ABCA8: variants seen among roughly 807,000 people sequenced by gnomAD.
ABCA8 encodes the protein ATP binding cassette subfamily A member 8.
A neutral mutation model predicts 192.3 loss-of-function variants in ABCA8; 177 were observed. The observed-to-expected ratio is 0.92, with a 90% CI of 0.81 to 1.04. ABCA8 has a LOEUF of 1.04. Ranked by LOEUF, ABCA8 falls within the 50% of genes least tolerant of loss-of-function variation. The pLI is 0.00. For missense variants in ABCA8, 1,915 were observed against 1,904.8 expected, an observed-to-expected ratio of 1.01 and a Z score of -0.10; for synonymous variants, 642 against 690.2, an observed-to-expected ratio of 0.93 and a Z score of 1.09.
At chr17:68,897,289 C>T (rs1359728859) in intron 21 of ABCA8, among the ~76,000 whole-genome samples, 1 of 152,032 alleles carries the variant, frequency 6.6e-6, no homozygotes, top group Non-Finnish European at 1.5e-5. Flanking sequence ...TGCACATGGC[C>T]AAAGTTATGC....
In ABCA8 at chr17:68,933,191, C is replaced by T; in HGVS notation, c.547G>A (p.Ala183Thr). ...ACTTCTATAATAGCAGCATTAATGGCAGCTTGAAGAGCCACAAAACCTTCC... is the reference window on the plus strand; with the variant it reads ...ACTTCTATAATAGCAGCATTAATGGTAGCTTGAAGAGCCACAAAACCTTCC... ...WKEGFVALQAAINAAIIEITT... is the reference protein window; with the variant it reads ...WKEGFVALQATINAAIIEITT... Residue 183 changes from alanine to threonine, a missense_variant, in exon 6 of 40, where the codon GCC becomes ACC. Transcript: ENST00000586539. The T allele has an allele frequency of 6.2e-7, 1 of 1,612,098 alleles. No individual in the cohort carries two copies. The highest frequency in any genetic ancestry group is 8.5e-7 in the Non-Finnish European group (1 of 1,178,730).
At chr17:68,952,997 G>A (rs2068612297) in intron 1 of ABCA8, among the ~76,000 whole-genome samples, 1 of 152,138 alleles carries the variant, frequency 6.6e-6, no homozygotes, top group African/African-American at 2.4e-5. Context: ...ATAATTCAGT[G>A]CATAATAAGA....
chr17:68,895,814 A>C (rs761650369), intron 21 of ABCA8, among the ~76,000 whole-genome samples: 17 of 152,158 alleles, frequency 1.1e-4, no homozygotes, highest in Non-Finnish European at 2.4e-4. Flanking sequence ...AGAGATCTGG[A>C]GTTCTCTTCC....
chr17:68,876,071 A>G (rs1401742087), intron 35 of ABCA8, among the ~76,000 whole-genome samples: 1 of 152,198 alleles, frequency 6.6e-6, no homozygotes, highest in East Asian at 1.9e-4. Flanking sequence ...CTCACAACCT[A>G]GTGAGAAGAA....
Position 68,875,934 on chromosome 17 carries a change from G to C in ABCA8, c.4371-201C>G, listed in dbSNP as rs8081061. ...TAAACTGGAATCATGCATTGGAAGAGGGGCGTTTACAGAACACAACATTCA... is the reference window on the plus strand; with the variant it reads ...TAAACTGGAATCATGCATTGGAAGACGGGCGTTTACAGAACACAACATTCA... On this transcript the variant is annotated intron_variant, in intron 35 of 39. Coordinates refer to ENST00000586539, the MANE Select transcript of ABCA8 (RefSeq NM_001288985.2). 7.3e-3 allele frequency among the ~76,000 whole-genome samples: 1,119 copies of C among 152,292 alleles called. 18 individuals are homozygous for C. Among genetic ancestry groups the C allele is most frequent in the African/African-American group, 0.025 (1,053 of 41,556 alleles).
At chr17:68,886,993 T>A in intron 26 of ABCA8, 24 bp downstream of exon 26, 1 of 1,495,550 alleles carries the variant, frequency 6.7e-7, no homozygotes, top group Non-Finnish European at 9.3e-7. Flanking sequence ...ATATACAGTA[T>A]ACATCCACAA....
intron 19 of ABCA8, among the ~76,000 whole-genome samples, chr17:68,904,814 A>G (rs28441249): frequency 2.6e-5 from 4 of 152,184 alleles, no homozygotes; most frequent in African/African-American, 9.7e-5. Context: ...ATCAGGGTTC[A>G]TGGGTCTTTC....
chr17:68,882,510 C>T, intron 30 of ABCA8, 89 bp downstream of exon 30: 1 of 1,216,608 alleles, frequency 8.2e-7, no homozygotes, highest in Non-Finnish European at 1.1e-6. Flanking sequence ...AATAGTGATC[C>T]TCATTTGTAA....
Position 68,937,039 on chromosome 17 carries a change from T to G in ABCA8, c.378A>C (p.Arg126Ser), listed in dbSNP as rs749299969. The change falls in exon 5 of 40, where the codon AGA becomes AGC. Residue 126 changes from arginine (R) to serine (S), a missense_variant. Transcript: ENST00000586539. ...ATGAGTATGTATTAGTAAAGGTGAC[T>G]CTTACTATTTCTTCAGGATAATTTG... ...FTANYPEEIV[R>S]VTFTNTYSYH... 1 of 1,609,570 alleles carries G rather than the reference T, an allele frequency of 6.2e-7. No individual in the cohort carries two copies. The highest frequency in any genetic ancestry group is 1.1e-5 in the South Asian group (1 of 90,584).
At chr17:68,877,415 T>C in intron 33 of ABCA8, 104 bp downstream of exon 33, 2 of 1,086,414 alleles carry the variant, frequency 1.8e-6, no homozygotes, top group Non-Finnish European at 2.6e-6. Context: ...GTGACCTGGG[T>C]CAGCATTTAG....
At chr17:68,895,107 C>T in intron 21 of ABCA8, 94 bp from the exon 22 acceptor site, 2 of 1,059,430 alleles carry the variant, frequency 1.9e-6, no homozygotes, top group East Asian at 2.6e-5. Context: ...TTATGTGAAG[C>T]AGTAATATGG....
rs1355278446 is a variant in ABCA8, at chr17:68,883,848, A to G, written c.3650T>C (p.Leu1217Pro). 1 of 1,598,266 alleles carries G rather than the reference A, an allele frequency of 6.3e-7. No homozygotes were observed. Among genetic ancestry groups the G allele is most frequent in the Non-Finnish European group, 8.5e-7 (1 of 1,173,340 alleles). Residue 1217 changes from leucine (L) to proline (P), a missense_variant, in exon 29 of 40, where the codon CTT (leucine) becomes CCT (proline). By Grantham distance (98) the Leu-to-Pro change is moderately conservative. Coordinates refer to ENST00000586539, the MANE Select transcript of ABCA8 (RefSeq NM_001288985.2). ...FLHFIIFLFT[L>P]RCLEWKFGKK... The stretch of plus-strand genomic sequence containing the variant: ...TCCAAACTTCCATTCCAGACATCGA[A>G]GAGTAAAAAGAAAAATGATAAAATG...
chr17:68,911,844 A>G lies in ABCA8; in HGVS notation c.2139-3965T>C, dbSNP rs545356010. Among the ~76,000 whole-genome samples, 35 of 152,282 alleles carry G rather than the reference A, an allele frequency of 2.3e-4. No homozygotes were observed. Among genetic ancestry groups the G allele is most frequent in the African/African-American group, 7.2e-4 (30 of 41,568 alleles). ...ATCCAAAGTATTCTCCAAGAGCACC[A>G]AAGTGGTACGTCGAAGAGTCTGCAA... On this transcript the variant is annotated intron_variant, in intron 17 of 39. Coordinates refer to ENST00000586539, the MANE Select transcript of ABCA8 (RefSeq NM_001288985.2). The surrounding 1 kb of genome is among the most constrained non-coding windows in gnomAD (Gnocchi z 5.7).
chr17:68,868,810 T>C (rs2065978016), intron 38 of ABCA8, among the ~76,000 whole-genome samples: 1 of 152,134 alleles, frequency 6.6e-6, no homozygotes. Context: ...GGAACTGTTC[T>C]TTTGACCAAA....
chr17:68,919,268 G>T lies in ABCA8; in HGVS notation c.1788+33C>A. On this transcript the variant is annotated intron_variant, in intron 14 of 39. Transcript: ENST00000586539. ...CAAATGGTTTTAATAATCTCATTTTGACCAACACATTAACTTTAACATATT... is the reference window on the plus strand; with the variant it reads ...CAAATGGTTTTAATAATCTCATTTTTACCAACACATTAACTTTAACATATT... 4 of 1,549,660 alleles carry T rather than the reference G, an allele frequency of 2.6e-6. No individual in the cohort carries two copies. In the South Asian group the frequency reaches 3.6e-5, roughly 14 times the overall value.
At chr17:68,953,827 G>T (rs570683993) in intron 1 of ABCA8, among the ~76,000 whole-genome samples, 16 of 152,242 alleles carry the variant, frequency 1.1e-4, no homozygotes, top group Admixed American at 5.2e-4. Context: ...CCTACCGGGG[G>T]TAGAGGGTAG....
chr17:68,911,879 T>C lies in ABCA8; in HGVS notation c.2139-4000A>G, dbSNP rs1044823320. Among the ~76,000 whole-genome samples the C allele has an allele frequency of 6.6e-6, 1 of 152,198 alleles. No individual in the cohort carries two copies. Among genetic ancestry groups the C allele is most frequent in the East Asian group, 1.9e-4 (1 of 5,196 alleles). On this transcript the variant is annotated intron_variant, in intron 17 of 39. Transcript: ENST00000586539. The surrounding 1 kb of genome is among the most constrained non-coding windows in gnomAD (Gnocchi z 5.7). ...GTCGAAGAGTCTGCAAGAATCACCA[T>C]GTTACTGGATTTGAGGGTGCCCCCT... is the stretch of plus-strand genomic sequence containing the variant.
intron 10 of ABCA8, among the ~76,000 whole-genome samples, chr17:68,925,218 T>C (rs547657346): frequency 4.6e-5 from 7 of 151,262 alleles, no homozygotes; most frequent in Non-Finnish European, 8.8e-5. Flanking sequence ...TGTCATTACA[T>C]AGGCAAAGAA....
At chr17:68,904,436 C>T (rs1157425436) in intron 19 of ABCA8, among the ~76,000 whole-genome samples, 1 of 151,554 alleles carries the variant, frequency 6.6e-6, no homozygotes, top group Non-Finnish European at 1.5e-5. Context: ...ATCAGATGGG[C>T]GAGAGCACAA....
Sources: allele counts gnomAD v4.1 joint callset (sites outside exome capture counted in the v4.1 genomes callset), GRCh38; gene constraint gnomAD v4.1.1; non-coding constraint Gnocchi (gnomAD v3.1); transcripts MANE v1.5; gene names NCBI Gene and HGNC (gene_info 2026-07-23, HGNC 2026-07-21).